Variants in PRR16 observed in about 807,000 individuals in gnomAD.
The protein encoded by PRR16 is protein Largen.
A neutral mutation model predicts 18.2 loss-of-function variants in PRR16; 6 were observed. That is an observed-to-expected ratio of 0.33 (90% CI 0.18 to 0.65). PRR16 has a LOEUF of 0.65. Among genes scored for constraint, PRR16 ranks in the 30% least tolerant of loss-of-function variants. The pLI, the probability that PRR16 is intolerant of heterozygous loss-of-function variation, is 0.74. For synonymous variants in PRR16, 151 were observed against 147.8 expected, an observed-to-expected ratio of 1.02 and a Z score of -0.16; for missense variants, 412 against 376.6, an observed-to-expected ratio of 1.09 and a Z score of -0.78.
chr5:120,500,256 G>C (rs1750401974), intron 1 of PRR16, among the ~76,000 whole-genome samples: 1 of 152,102 alleles, frequency 6.6e-6, no homozygotes, highest in African/African-American at 2.4e-5. Context: ...AGTTTCTTCA[G>C]CTACAAGTCT....
intron 1 of PRR16, among the ~76,000 whole-genome samples, chr5:120,673,281 G>T (rs192923231): frequency 2.6e-5 from 4 of 152,182 alleles, no homozygotes; most frequent in African/African-American, 9.7e-5. Flanking sequence ...ATTTCGGCAT[G>T]TGCCAATTAG....
At chr5:120,741,729 T>C in the PRR16 span, among the ~76,000 whole-genome samples, 1 of 152,014 alleles carries the variant, frequency 6.6e-6, no homozygotes, top group African/African-American at 2.4e-5. Context: ...AGCCTCCGAG[T>C]AGCTGGGATT....
chr5:120,788,219 A>G, the PRR16 span, among the ~76,000 whole-genome samples: 1 of 151,962 alleles, frequency 6.6e-6, no homozygotes, highest in Non-Finnish European at 1.5e-5. Flanking sequence ...TTGGAGAGCA[A>G]GAAATAAGTT....
chr5:120,643,166 A>T (rs1755477644), intron 1 of PRR16, among the ~76,000 whole-genome samples: 1 of 150,134 alleles, frequency 6.7e-6, no homozygotes, highest in Admixed American at 6.7e-5. Context: ...GTTTGAAACA[A>T]AGAAGAGACA....
intron 1 of PRR16, among the ~76,000 whole-genome samples, chr5:120,512,905 G>C (rs1209150354): frequency 6.6e-6 from 1 of 152,170 alleles, no homozygotes; most frequent in Non-Finnish European, 1.5e-5. Flanking sequence ...ATATAGATAA[G>C]CATAATGAAG....
At position 120,671,107 on chromosome 5, in the gene PRR16, G is replaced by A. The variant is rs539605384; in HGVS notation, c.160-14847G>A. Among the ~76,000 whole-genome samples, 71 of 152,042 alleles carry A rather than the reference G, an allele frequency of 4.7e-4. 1 individual carries two copies. The Middle Eastern group carries it at 0.01, about 22-fold the overall frequency. On this transcript the variant is annotated intron_variant, in intron 1 of 1. Transcript: ENST00000407149. Reference sequence around the variant, plus strand: ...TGCTTATTTACTAAAATCCTAAAATGTGCACATATACACACACACCATACC... The same window carrying A: ...TGCTTATTTACTAAAATCCTAAAATATGCACATATACACACACACCATACC...
the PRR16 span, among the ~76,000 whole-genome samples, chr5:120,700,045 C>T: frequency 6.6e-6 from 1 of 151,940 alleles, no homozygotes; most frequent in African/African-American, 2.4e-5. Flanking sequence ...ATGAAGGGTA[C>T]AAAGCAATAG....
the PRR16 span, among the ~76,000 whole-genome samples, chr5:120,785,633 C>T: frequency 7.9e-3 from 1,074 of 136,778 alleles, 6 homozygotes; most frequent in Middle Eastern, 0.03. Context: ...AGTGCAGTGG[C>T]GCGATCTCAG....
At chr5:120,499,629 T>C (rs1750380704) in intron 1 of PRR16, among the ~76,000 whole-genome samples, 1 of 152,184 alleles carries the variant, frequency 6.6e-6, no homozygotes, top group South Asian at 2.1e-4. Context: ...ATATCTTTGC[T>C]GAGGCTTTCT....
At chr5:120,474,403 G>T (rs1749369823) in intron 1 of PRR16, among the ~76,000 whole-genome samples, 1 of 152,082 alleles carries the variant, frequency 6.6e-6, no homozygotes, top group South Asian at 2.1e-4. Flanking sequence ...GATGCCACAT[G>T]TCCTCTTCCT....
chr5:120,694,971 A>T, the PRR16 span, among the ~76,000 whole-genome samples: 1 of 152,198 alleles, frequency 6.6e-6, no homozygotes, highest in Non-Finnish European at 1.5e-5. Context: ...CAAGCATAAA[A>T]GTTTGTGATA....
chr5:120,638,882 CATCTAAT>C, intron 1 of PRR16, among the ~76,000 whole-genome samples: 1 of 152,144 alleles, frequency 6.6e-6, no homozygotes, highest in East Asian at 1.9e-4. Context: ...TATAATGAAT[CATCTAAT>C]CTAATATAGG....
the PRR16 span, among the ~76,000 whole-genome samples, chr5:120,787,438 A>C: frequency 6.6e-6 from 1 of 152,194 alleles, no homozygotes; most frequent in Non-Finnish European, 1.5e-5. Flanking sequence ...TTAATATCCA[A>C]TCTTAGAATC....
At chr5:120,506,251 T>C (rs1410448241) in intron 1 of PRR16, among the ~76,000 whole-genome samples, 2 of 152,078 alleles carry the variant, frequency 1.3e-5, no homozygotes, top group Non-Finnish European at 2.9e-5. Flanking sequence ...TAGGTATTCT[T>C]TATAACTTAT....
chr5:120,742,280 GTTTTT>G, the PRR16 span, among the ~76,000 whole-genome samples: 1 of 140,524 alleles, frequency 7.1e-6, no homozygotes, highest in East Asian at 2.1e-4. Flanking sequence ...TTACTTGTGG[GTTTTT>G]TTTTTTTTGC....
At chr5:120,650,043 C>G (rs997805629) in intron 1 of PRR16, among the ~76,000 whole-genome samples, 2 of 151,310 alleles carry the variant, frequency 1.3e-5, no homozygotes, top group Non-Finnish European at 2.9e-5. Flanking sequence ...CACGATGAAA[C>G]CCTCTCTCTA....
chr5:120,741,294 A>G, the PRR16 span, among the ~76,000 whole-genome samples: 2 of 151,966 alleles, frequency 1.3e-5, no homozygotes, highest in Admixed American at 6.6e-5. Context: ...TGCCCAGGCT[A>G]GTTTCAAACT....
chr5:120,484,443 G>T (rs1749723184), intron 1 of PRR16, among the ~76,000 whole-genome samples: 2 of 142,742 alleles, frequency 1.4e-5, no homozygotes, highest in Non-Finnish European at 1.5e-5. Context: ...TACCTTATAT[G>T]TTAGATATAT....
chr5:120,616,642 T>C (rs1431464397), intron 1 of PRR16, among the ~76,000 whole-genome samples: 1 of 152,198 alleles, frequency 6.6e-6, no homozygotes, highest in Non-Finnish European at 1.5e-5. Flanking sequence ...TTCTGTGATA[T>C]GCTTGACTGT....
Sources: allele counts gnomAD v4.1 joint callset (sites outside exome capture counted in the v4.1 genomes callset), GRCh38; gene constraint gnomAD v4.1.1; transcripts MANE v1.5; gene names NCBI Gene and HGNC (gene_info 2026-07-23, HGNC 2026-07-21).